Variants in NOX4 observed in about 807,000 individuals in gnomAD.
NOX4 encodes the protein NADPH oxidase 4, also known as kidney oxidase-1.
Under a neutral mutation model 87.6 loss-of-function variants are expected in NOX4, and 69 were observed. The ratio of observed to expected loss-of-function variants is 0.79; its 90% CI spans 0.65 to 0.96. The LOEUF is 0.96. Among genes scored for constraint, NOX4 ranks in the 40% least tolerant of loss-of-function variants. The probability of loss-of-function intolerance (pLI) is 0.00; values close to 1 mark genes in which losing one functional copy is unlikely to be tolerated. For synonymous variants in NOX4, 275 were observed against 238.2 expected, an observed-to-expected ratio of 1.15 and a Z score of -1.42; for missense variants, 680 against 681.5, an observed-to-expected ratio of 1.00 and a Z score of 0.02.
the NOX4 span, among the ~76,000 whole-genome samples, chr11:89,529,801 G>C: frequency 3.3e-5 from 5 of 152,098 alleles, no homozygotes; most frequent in African/African-American, 1.2e-4. Context: ...ATATATTCAA[G>C]ACAGGAAAAT....
At chr11:89,354,522 T>A (rs1937845848) in intron 13 of NOX4, among the ~76,000 whole-genome samples, 1 of 152,316 alleles carries the variant, frequency 6.6e-6, no homozygotes, top group East Asian at 1.9e-4. Flanking sequence ...TCAAAAATCA[T>A]AAGAATATGT....
intron 2 of NOX4, among the ~76,000 whole-genome samples, chr11:89,485,774 A>G (rs756761302): frequency 3.3e-5 from 5 of 152,116 alleles, no homozygotes; most frequent in Non-Finnish European, 7.4e-5. Context: ...GGAGCAGGCT[A>G]TTGTTTGGTT....
At chr11:89,367,088 T>C (rs1355911053) in intron 12 of NOX4, among the ~76,000 whole-genome samples, 1 of 152,166 alleles carries the variant, frequency 6.6e-6, no homozygotes, top group African/African-American at 2.4e-5. Context: ...TATATTGTGA[T>C]AGTAAATAAG....
chr11:89,461,845 T>C (rs1482088437), intron 2 of NOX4, among the ~76,000 whole-genome samples: 1 of 152,074 alleles, frequency 6.6e-6, no homozygotes. Flanking sequence ...AATTTTCTAA[T>C]GTTTGCGTTA....
At chr11:89,406,075 A>G (rs1300614598) in intron 8 of NOX4, among the ~76,000 whole-genome samples, 1 of 152,164 alleles carries the variant, frequency 6.6e-6, no homozygotes, top group Non-Finnish European at 1.5e-5. Context: ...AGCTCAATTG[A>G]ATGCAATAAC....
chr11:89,440,620 C>T, intron 6 of NOX4, 68 bp downstream of exon 6: 1 of 1,111,736 alleles, frequency 9.0e-7, no homozygotes, highest in Non-Finnish European at 1.3e-6. Flanking sequence ...CCACTGCGCC[C>T]AGTCCGATAA....
intron 12 of NOX4, among the ~76,000 whole-genome samples, chr11:89,366,385 A>G (rs1379131922): frequency 6.6e-6 from 1 of 152,124 alleles, no homozygotes; most frequent in Non-Finnish European, 1.5e-5. Context: ...AAAACTAAAA[A>G]GTAACATTTT....
chr11:89,559,048 C>T, the NOX4 span, among the ~76,000 whole-genome samples: 1 of 152,052 alleles, frequency 6.6e-6, no homozygotes, highest in Non-Finnish European at 1.5e-5. Flanking sequence ...CATACTATCT[C>T]ATAATTTTGA....
At chr11:89,447,984 T>C (rs1205586001) in intron 4 of NOX4, among the ~76,000 whole-genome samples, 1 of 152,182 alleles carries the variant, frequency 6.6e-6, no homozygotes, top group Non-Finnish European at 1.5e-5. Context: ...TAAAATAATT[T>C]CTTGGCAATA....
chr11:89,513,753 G>A, the NOX4 span, among the ~76,000 whole-genome samples: 18 of 152,016 alleles, frequency 1.2e-4, no homozygotes, highest in South Asian at 3.1e-3. Flanking sequence ...TATTTTTATA[G>A]AGGAGAATAC....
At chr11:89,377,659 A>C (rs1466730958) in intron 11 of NOX4, among the ~76,000 whole-genome samples, 1 of 152,202 alleles carries the variant, frequency 6.6e-6, no homozygotes, top group Non-Finnish European at 1.5e-5. Flanking sequence ...GAATTTATTC[A>C]ATATAAAAAA....
rs1253073972 is a variant in NOX4, at chr11:89,399,429, T to TTAAATATATATA, written c.1074+576_1074+587dup. ...AGGAGAAAAGTAAATATTCAAGAAA[T>TTAAATATATATA]TAAATATATATATATATATATATAT... On this transcript the variant is annotated intron_variant, in intron 11 of 17. Coordinates refer to ENST00000263317, the MANE Select transcript of NOX4 (RefSeq NM_016931.5). 7.6e-3 allele frequency among the ~76,000 whole-genome samples: 423 copies of TTAAATATATATA among 55,808 alleles called. 8 individuals carry two copies. The highest frequency in any genetic ancestry group is 0.031 in the African/African-American group (388 of 12,428). The allele number at this position is 55,808 out of a possible 152,430, so 36.6% of individuals were successfully genotyped here. A position where few individuals can be genotyped will look rare whatever the true frequency, so the allele number is the denominator to read the frequency against.
At chr11:89,436,999 C>A (rs1944109714) in intron 6 of NOX4, among the ~76,000 whole-genome samples, 1 of 151,634 alleles carries the variant, frequency 6.6e-6, no homozygotes, top group African/African-American at 2.4e-5. Flanking sequence ...AAAATTCCAA[C>A]ACACAGAGAT....
At chr11:89,437,516 A>G (rs1944138872) in intron 6 of NOX4, among the ~76,000 whole-genome samples, 1 of 152,116 alleles carries the variant, frequency 6.6e-6, no homozygotes, top group Admixed American at 6.6e-5. Context: ...TTCCAGACTG[A>G]TGACCTGGGA....
chr11:89,518,373 TG>T, the NOX4 span, among the ~76,000 whole-genome samples: 7 of 101,930 alleles, frequency 6.9e-5, no homozygotes, highest in East Asian at 5.8e-4. Context: ...CAGAAAGTCT[TG>T]GGGGGGGGAC....
intron 16 of NOX4, chr11:89,336,172 CA>C (rs1945706659): frequency 2.9e-6 from 1 of 345,790 alleles, no homozygotes; most frequent in Non-Finnish European, 5.2e-6. Context: ...TTTAAACAAA[CA>C]AACAAAATCT....
chr11:89,545,552 G>A, the NOX4 span: 2 of 152,046 alleles, frequency 1.3e-5, no homozygotes, highest in African/African-American at 4.8e-5. Flanking sequence ...TTCAATGTAA[G>A]TATTAATAAT....
At chr11:89,550,225 G>T in the NOX4 span, among the ~76,000 whole-genome samples, 1 of 148,852 alleles carries the variant, frequency 6.7e-6, no homozygotes, top group Non-Finnish European at 1.5e-5. Context: ...TTGCTCTGTT[G>T]CCCAGGCTGT....
At chr11:89,369,957 A>G (rs1468370598) in intron 12 of NOX4, among the ~76,000 whole-genome samples, 1 of 152,036 alleles carries the variant, frequency 6.6e-6, no homozygotes, top group African/African-American at 2.4e-5. Flanking sequence ...AACACGTAAC[A>G]CATGTTCTGT....
Sources: gnomAD v4.1 joint callset for allele counts (sites outside exome capture counted in the v4.1 genomes callset) on GRCh38, gnomAD v4.1.1 for gene constraint, MANE v1.5 for transcripts, NCBI Gene and HGNC (gene_info 2026-07-23, HGNC 2026-07-21) for gene names.